PNPT1: variants seen among roughly 807,000 people sequenced by gnomAD.
PNPT1 encodes the protein polyribonucleotide nucleotidyltransferase 1, mitochondrial.
PNPT1 carries 53 observed loss-of-function variants against 119.5 expected under a neutral mutation model. The observed-to-expected ratio is 0.44, with a 90% CI of 0.36 to 0.56. PNPT1 has a LOEUF of 0.56. Among genes scored for constraint, PNPT1 ranks in the 20% least tolerant of loss-of-function variants. The pLI is 0.00. For missense variants in PNPT1, 948 were observed against 938.5 expected (o/e 1.01, Z -0.13); for synonymous variants, 357 against 322.1 (o/e 1.11, Z -1.16).
At chr2:55,663,377 T>C (rs1696640123) in intron 13 of PNPT1, among the ~76,000 whole-genome samples, 1 of 152,186 alleles carries the variant, frequency 6.6e-6, no homozygotes, top group Admixed American at 6.5e-5. Flanking sequence ...CAGTGACCTA[T>C]GGGACAGTAT....
intron 18 of PNPT1, among the ~76,000 whole-genome samples, chr2:55,652,369 T>C (rs1366855705): frequency 6.6e-6 from 1 of 152,230 alleles, no homozygotes; most frequent in Non-Finnish European, 1.5e-5. Context: ...ATTTAATTTT[T>C]TTGAGGTTTT....
intron 1 of PNPT1, among the ~76,000 whole-genome samples, chr2:55,689,234 A>T (rs1360462409): frequency 6.6e-6 from 1 of 152,258 alleles, no homozygotes; most frequent in Non-Finnish European, 1.5e-5. Flanking sequence ...GAATGCTTAC[A>T]ATTCAACAAT....
rs115911878 is a variant in PNPT1, at chr2:55,638,515, G to A, written c.2149-916C>T. 7.6e-3 allele frequency among the ~76,000 whole-genome samples: 1,157 copies of A among 152,026 alleles called. 6 individuals are homozygous for A. Among genetic ancestry groups the A allele is most frequent in the Non-Finnish European group, 0.013 (904 of 67,980 alleles). ...TCCAAAAAAATTAGCCGGGTGTAGC[G>A]GTTTGTGCCTGGGGACCCAGCTTCT... On this transcript the variant is annotated intron_variant, in intron 26 of 27. Coordinates refer to ENST00000447944, the MANE Select transcript of PNPT1 (RefSeq NM_033109.5).
At chr2:55,681,170 G>A (rs1320483450) in intron 5 of PNPT1, among the ~76,000 whole-genome samples, 1 of 152,132 alleles carries the variant, frequency 6.6e-6, no homozygotes, top group Non-Finnish European at 1.5e-5. Context: ...ACTTTGGGAG[G>A]CTGAGGAGGG....
chr2:55,652,449 T>A (rs1696241684), intron 18 of PNPT1, among the ~76,000 whole-genome samples: 1 of 152,240 alleles, frequency 6.6e-6, no homozygotes, highest in South Asian at 2.1e-4. Flanking sequence ...CTCAATTTTG[T>A]CAGTCACCCA....
At chr2:55,690,850 G>C (rs1237060657) in intron 1 of PNPT1, among the ~76,000 whole-genome samples, 2 of 152,150 alleles carry the variant, frequency 1.3e-5, no homozygotes, top group Non-Finnish European at 2.9e-5. Context: ...TTAGTATGTT[G>C]AGTAGATGGA....
Position 55,635,975 on chromosome 2 carries a change from CTATG to C in PNPT1, c.*258_*261del, listed in dbSNP as rs536143961. 2.2e-3 allele frequency: 445 copies of C among 205,628 alleles called. 1 individual carries two copies. Among genetic ancestry groups the C allele is most frequent in the East Asian group, 7.1e-3 (66 of 9,300 alleles). 12.7% of individuals were successfully genotyped at this position (205,628 alleles called of 1,614,324 possible). A position where few individuals can be genotyped will look rare whatever the true frequency, so the allele number is the denominator to read the frequency against. On this transcript the variant is annotated 3_prime_UTR_variant, in exon 28 of 28. Transcript: ENST00000447944. ...ATATTTCAGAATTGTAAAAACAAAA[CTATG>C]TAATTTTTTCTAAGATGTATAAATG...
intron 18 of PNPT1, among the ~76,000 whole-genome samples, chr2:55,649,397 C>A (rs1696103626): frequency 6.6e-6 from 1 of 152,218 alleles, no homozygotes; most frequent in Non-Finnish European, 1.5e-5. Flanking sequence ...ATGCCAGAAT[C>A]AACATTTCTT....
intron 25 of PNPT1, among the ~76,000 whole-genome samples, chr2:55,642,066 C>T (rs145149461): frequency 1.3e-5 from 2 of 151,910 alleles, no homozygotes; most frequent in Non-Finnish European, 2.9e-5. Flanking sequence ...GCTCTCGAAC[C>T]CCCCACTTCC....
At chr2:55,645,989 G>A (rs529851526) in intron 21 of PNPT1, among the ~76,000 whole-genome samples, 23 of 151,926 alleles carry the variant, frequency 1.5e-4, no homozygotes, top group Non-Finnish European at 2.9e-4. Context: ...CACCATGCCC[G>A]GCTAATTTTT....
intron 7 of PNPT1, 92 bp from the exon 8 acceptor site, chr2:55,679,887 T>C (rs1044796389): frequency 2.4e-6 from 2 of 823,568 alleles, no homozygotes; most frequent in Admixed American, 2.7e-5. Flanking sequence ...CATCTTTGAT[T>C]GTGACCACAG....
chr2:55,647,733 T>C (rs1343734613), intron 18 of PNPT1, among the ~76,000 whole-genome samples: 2 of 152,024 alleles, frequency 1.3e-5, no homozygotes, highest in African/African-American at 4.8e-5. Context: ...ATGTTGGCCC[T>C]GTTGGTCTTG....
At chr2:55,646,590 C>G in intron 19 of PNPT1, 104 bp from the exon 20 acceptor site, 1 of 846,278 alleles carries the variant, frequency 1.2e-6, no homozygotes. Context: ...TAAACCATAT[C>G]CTAAGTCCAA....
chr2:55,687,130 C>T (rs373158659), intron 2 of PNPT1, among the ~76,000 whole-genome samples: 3 of 147,108 alleles, frequency 2.0e-5, no homozygotes, highest in African/African-American at 5.0e-5. Context: ...AGGAGAATGG[C>T]GTGAACCTGG....
chr2:55,687,224 A>G (rs895468605), intron 2 of PNPT1, among the ~76,000 whole-genome samples: 40 of 150,068 alleles, frequency 2.7e-4, no homozygotes, highest in African/African-American at 9.8e-4. Flanking sequence ...AAAAAAAAAA[A>G]AAAAAAAGAG....
At chr2:55,661,369 C>T (rs1696569158) in intron 14 of PNPT1, among the ~76,000 whole-genome samples, 1 of 151,934 alleles carries the variant, frequency 6.6e-6, no homozygotes, top group Non-Finnish European at 1.5e-5. Context: ...GGATTACAGG[C>T]CAGGCGTGAG....
chr2:55,640,100 A>T (rs1048299065), intron 26 of PNPT1, among the ~76,000 whole-genome samples: 7 of 152,082 alleles, frequency 4.6e-5, no homozygotes, highest in African/African-American at 1.7e-4. Context: ...CTGGGCCGGT[A>T]ATATACTATT....
chr2:55,693,350 C>T (rs144276478), intron 1 of PNPT1, among the ~76,000 whole-genome samples: 219 of 152,206 alleles, frequency 1.4e-3, no homozygotes, highest in African/African-American at 4.7e-3. Flanking sequence ...CTCGTTATTC[C>T]TAGGTGGAAT....
intron 26 of PNPT1, among the ~76,000 whole-genome samples, chr2:55,639,288 G>T (rs919488657): frequency 1.3e-5 from 2 of 151,676 alleles, no homozygotes; most frequent in Non-Finnish European, 2.9e-5. Context: ...AAATAATAAG[G>T]TGAAAAAAAA....
Sources: gnomAD v4.1 joint callset for allele counts (sites outside exome capture counted in the v4.1 genomes callset) on GRCh38, gnomAD v4.1.1 for gene constraint, MANE v1.5 for transcripts, NCBI Gene and HGNC (gene_info 2026-07-23, HGNC 2026-07-21) for gene names.